Variants in BTBD9 observed in about 807,000 individuals in gnomAD.
BTBD9 encodes the protein BTB/POZ domain-containing protein 9.
In BTBD9, 49 loss-of-function variants were observed where a neutral mutation model predicts 64.3. That is an observed-to-expected ratio of 0.76 (90% CI 0.61 to 0.97). BTBD9 has a LOEUF of 0.97. BTBD9 is among the 50% of genes least tolerant of loss of function. The pLI is 0.00. For synonymous variants in BTBD9, 260 were observed against 274.7 expected (o/e 0.95, Z 0.53); for missense variants, 598 against 762.1 (o/e 0.78, Z 2.53).
intron 7 of BTBD9, among the ~76,000 whole-genome samples, chr6:38,289,272 A>C (rs574504894): frequency 6.6e-6 from 1 of 152,206 alleles, no homozygotes; most frequent in Admixed American, 6.5e-5. Context: ...GACTCGGCCT[A>C]CTGAGGTGGG....
chr6:38,377,430 A>T (rs1765734814), intron 6 of BTBD9, among the ~76,000 whole-genome samples: 1 of 152,232 alleles, frequency 6.6e-6, no homozygotes, highest in Non-Finnish European at 1.5e-5. Flanking sequence ...TCAGAAACCA[A>T]TGATAGTATG....
At chr6:38,515,698 A>G (rs1351717367) in intron 6 of BTBD9, among the ~76,000 whole-genome samples, 1 of 152,186 alleles carries the variant, frequency 6.6e-6, no homozygotes, top group Non-Finnish European at 1.5e-5. Context: ...GAGACAACAG[A>G]GATATTATGT....
At chr6:38,179,494 C>A in intron 10 of BTBD9, 1 of 456,780 alleles carries the variant, frequency 2.2e-6, no homozygotes, top group South Asian at 1.5e-5. Context: ...CAGCTCAGAC[C>A]TGCACTCATG....
intron 6 of BTBD9, among the ~76,000 whole-genome samples, chr6:38,551,389 G>C (rs1451622962): frequency 6.6e-6 from 1 of 152,166 alleles, no homozygotes; most frequent in Non-Finnish European, 1.5e-5. Context: ...AGTTTGGTTT[G>C]GTTGGAGCTT....
At chr6:38,421,446 C>A (rs1305033963) in intron 6 of BTBD9, among the ~76,000 whole-genome samples, 1 of 152,198 alleles carries the variant, frequency 6.6e-6, no homozygotes, top group Non-Finnish European at 1.5e-5. Context: ...TGTTTTTAAA[C>A]ATGTGTTTTG....
intron 6 of BTBD9, among the ~76,000 whole-genome samples, chr6:38,348,076 G>A (rs1404359973): frequency 2.0e-5 from 3 of 152,122 alleles, no homozygotes; most frequent in Non-Finnish European, 2.9e-5. Context: ...CTGAAAGTGG[G>A]AGGAGGGAGC....
chr6:38,375,555 T>C (rs578166252), intron 6 of BTBD9, among the ~76,000 whole-genome samples: 38 of 152,296 alleles, frequency 2.5e-4, no homozygotes, highest in Non-Finnish European at 3.8e-4. Context: ...TGTCTATCAC[T>C]TGCTAACCAC....
intron 9 of BTBD9, among the ~76,000 whole-genome samples, chr6:38,238,675 G>A (rs188689865): frequency 2.0e-5 from 3 of 152,038 alleles, no homozygotes; most frequent in East Asian, 3.9e-4. Context: ...GGGTTTCACC[G>A]TGTTATCCAG....
chr6:38,368,945 T>G (rs1765302602), intron 6 of BTBD9, among the ~76,000 whole-genome samples: 1 of 152,196 alleles, frequency 6.6e-6, no homozygotes, highest in African/African-American at 2.4e-5. Context: ...CCATAGACAC[T>G]TCAATTTCAA....
At chr6:38,255,985 G>A (rs891089303) in intron 9 of BTBD9, among the ~76,000 whole-genome samples, 20 of 151,694 alleles carry the variant, frequency 1.3e-4, no homozygotes, top group African/African-American at 4.8e-4. Context: ...GAGCTGATGG[G>A]TGCAGCAAAC....
intron 8 of BTBD9, among the ~76,000 whole-genome samples, chr6:38,267,376 T>C (rs925732944): frequency 6.6e-6 from 1 of 152,196 alleles, no homozygotes; most frequent in Non-Finnish European, 1.5e-5. Context: ...GTGTTAAGAA[T>C]TCTTGGATTT....
intron 6 of BTBD9, among the ~76,000 whole-genome samples, chr6:38,368,126 TAAGG>T (rs1345722132): frequency 1.3e-5 from 2 of 152,218 alleles, no homozygotes; most frequent in Admixed American, 6.5e-5. Flanking sequence ...ATTACTGCCT[TAAGG>T]AAGCTTTTAA....
intron 6 of BTBD9, among the ~76,000 whole-genome samples, chr6:38,544,638 G>A (rs2127441117): frequency 6.6e-6 from 1 of 152,138 alleles, no homozygotes; most frequent in South Asian, 2.1e-4. Flanking sequence ...AGAGTGATGA[G>A]GGTGTGGGCC....
chr6:38,394,528 G>A (rs550430531), intron 6 of BTBD9, among the ~76,000 whole-genome samples: 1 of 152,280 alleles, frequency 6.6e-6, no homozygotes, highest in East Asian at 1.9e-4. Flanking sequence ...TCATACAGTG[G>A]TAGCCAGCCT....
At chr6:38,253,662 G>GCCCACA (rs1764475738) in intron 9 of BTBD9, among the ~76,000 whole-genome samples, 1 of 152,188 alleles carries the variant, frequency 6.6e-6, no homozygotes, top group East Asian at 1.9e-4. Context: ...GGAAGTACAA[G>GCCCACA]GTCTGGTCTG....
chr6:38,629,130 T>C (rs569373295), intron 1 of BTBD9, among the ~76,000 whole-genome samples: 8 of 152,162 alleles, frequency 5.3e-5, no homozygotes, highest in African/African-American at 1.9e-4. Flanking sequence ...AGTTAATTAA[T>C]GGGGGCAAGT....
chr6:38,179,498 A>G (rs1430263324), intron 10 of BTBD9: 1 of 456,758 alleles, frequency 2.2e-6, no homozygotes, highest in Non-Finnish European at 4.4e-6. Flanking sequence ...TCAGACCTGC[A>G]CTCATGCCAA....
intron 6 of BTBD9, among the ~76,000 whole-genome samples, chr6:38,574,512 G>A (rs944166910): frequency 2.0e-5 from 3 of 152,102 alleles, no homozygotes; most frequent in Non-Finnish European, 4.4e-5. Context: ...CGTGACCAAC[G>A]AGGATGGCAG....
chr6:38,589,228 C>T (rs1776685032), intron 4 of BTBD9, among the ~76,000 whole-genome samples: 1 of 152,102 alleles, frequency 6.6e-6, no homozygotes, highest in African/African-American at 2.4e-5. Context: ...CTAAGTTCTC[C>T]CTTTCGCAAC....
Sources: allele counts gnomAD v4.1 joint callset (sites outside exome capture counted in the v4.1 genomes callset), GRCh38; gene constraint gnomAD v4.1.1; transcripts MANE v1.5; gene names NCBI Gene and HGNC (gene_info 2026-07-23, HGNC 2026-07-21).